DST: variants seen among roughly 807,000 people sequenced by gnomAD.
DST encodes bullous pemphigoid antigen.
In DST, 253 loss-of-function variants were observed where a neutral mutation model predicts 875.2. The ratio of observed to expected loss-of-function variants is 0.29; its 90% CI spans 0.26 to 0.32. The LOEUF (loss-of-function observed/expected upper bound fraction) is 0.32. DST is among the 10% of genes least tolerant of loss of function. The pLI, the probability that DST is intolerant of heterozygous loss-of-function variation, is 1.00. For missense variants in DST, 8,287 were observed against 9,111.6 expected (o/e 0.91, Z 3.68); for synonymous variants, 3,124 against 3,197.1 (o/e 0.98, Z 0.77).
At chr6:56,545,330 T>A (rs1260056516) in intron 61 of DST, among the ~76,000 whole-genome samples, 1 of 151,684 alleles carries the variant, frequency 6.6e-6, no homozygotes, top group Non-Finnish European at 1.5e-5. Flanking sequence ...ATGAGAGAAA[T>A]ACATAATAAG....
intron 4 of DST, among the ~76,000 whole-genome samples, chr6:56,832,959 G>A (rs1187874033): frequency 1.3e-5 from 2 of 152,108 alleles, no homozygotes; most frequent in East Asian, 3.9e-4. Context: ...GGCTGGTCTC[G>A]AACTACTGAC....
intron 4 of DST, chr6:56,843,200 C>T: frequency 1.4e-6 from 2 of 1,473,594 alleles, no homozygotes; most frequent in Non-Finnish European, 1.8e-6. Flanking sequence ...CTCGTAACCC[C>T]CGGACAGTAT....
chr6:56,573,959 G>A (rs2097821354), intron 50 of DST, 72 bp from the exon 51 acceptor site: 64 of 1,049,676 alleles, frequency 6.1e-5, no homozygotes, highest in South Asian at 2.7e-4. Context: ...AACACATGAA[G>A]GTGAATCATA....
In DST at chr6:56,581,732, A is replaced by G. The variant is rs143730684; in HGVS notation, c.12904-2795T>C. ...CTGCATTTGGATTTCAAAGCCCCCA[A>G]TGTCCAGTTGTAGATGTGAACTCAT... On this transcript the variant is annotated intron_variant, in intron 49 of 103. Coordinates refer to ENST00000680361, the MANE Select transcript of DST (RefSeq NM_001374736.1). Among the ~76,000 whole-genome samples, 42 of 152,328 alleles carry G rather than the reference A, an allele frequency of 2.8e-4. No individual in the cohort carries two copies. The East Asian group carries it at 7.5e-3, about 27-fold the overall frequency.
intron 5 of DST, among the ~76,000 whole-genome samples, chr6:56,734,124 C>T (rs1026673269): frequency 2.0e-5 from 3 of 152,296 alleles, no homozygotes; most frequent in Middle Eastern, 3.4e-3. Context: ...GATGAACTGC[C>T]GCATGCTGCG....
chr6:56,864,779 C>T (rs6928319), intron 3 of DST, among the ~76,000 whole-genome samples: 4,911 of 152,074 alleles, frequency 0.032, 282 homozygotes, highest in African/African-American at 0.11. Flanking sequence ...AACTAGATAT[C>T]GAGTACTTAG....
In DST at chr6:56,536,710, T is replaced by C; in HGVS notation, c.16770+69A>G. ...AAAAGTTTGGCTACCACAAATATGA[T>C]TCATGGTCACCACAAATGCTCATGA... On this transcript the variant is annotated intron_variant, in intron 62 of 103. Coordinates refer to ENST00000680361, the MANE Select transcript of DST (RefSeq NM_001374736.1). The C allele has an allele frequency of 5.0e-6, 7 of 1,411,430 alleles. No individual in the cohort carries two copies. The South Asian group carries it at 9.1e-5, about 18-fold the overall frequency. 87.4% of individuals were successfully genotyped at this position (1,411,430 alleles called of 1,614,324 possible).
chr6:56,857,452 C>G (rs1355302859), intron 3 of DST, among the ~76,000 whole-genome samples: 2 of 152,178 alleles, frequency 1.3e-5, no homozygotes, highest in African/African-American at 4.8e-5. Context: ...TCTTCACAAA[C>G]ACTTAGAGAA....
At chr6:56,872,664 A>C (rs553937099) in intron 3 of DST, among the ~76,000 whole-genome samples, 78 of 152,338 alleles carry the variant, frequency 5.1e-4, no homozygotes, top group African/African-American at 1.8e-3. Flanking sequence ...CACTCAGGCC[A>C]ATGGAAAAAG....
At chr6:56,949,688 T>C (rs1248803002) in intron 2 of DST, among the ~76,000 whole-genome samples, 1 of 152,236 alleles carries the variant, frequency 6.6e-6, no homozygotes, top group Non-Finnish European at 1.5e-5. Flanking sequence ...TTATGGCTGA[T>C]TTAATTAGTG....
intron 4 of DST, among the ~76,000 whole-genome samples, chr6:56,847,694 C>G (rs2099808660): frequency 6.6e-6 from 1 of 152,182 alleles, no homozygotes; most frequent in Admixed American, 6.5e-5. Context: ...AGAAACCTTT[C>G]AGGAACCTCC....
chr6:56,938,106 CTCTA>C (rs753198351), intron 2 of DST, among the ~76,000 whole-genome samples: 2,851 of 29,928 alleles, frequency 0.095, 32 homozygotes, highest in South Asian at 0.23. Flanking sequence ...CTCTCTCTCT[CTCTA>C]TATATATATA....
chr6:56,802,628 C>T (rs952692664), intron 4 of DST, among the ~76,000 whole-genome samples: 5 of 152,122 alleles, frequency 3.3e-5, no homozygotes, highest in Admixed American at 2.0e-4. Context: ...TGGGAACGTA[C>T]TAATTTATCT....
chr6:56,648,541 T>C (rs2098957323), intron 13 of DST, 29 bp downstream of exon 13: 1 of 1,539,730 alleles, frequency 6.5e-7, no homozygotes, highest in East Asian at 2.4e-5. Context: ...ATTGAATCAA[T>C]CCTATGTAAT....
chr6:56,913,431 C>T (rs1370570452), intron 2 of DST, among the ~76,000 whole-genome samples: 2 of 152,204 alleles, frequency 1.3e-5, no homozygotes, highest in Admixed American at 6.5e-5. Flanking sequence ...TATCACTCTT[C>T]GGACAAACTG....
intron 85 of DST, among the ~76,000 whole-genome samples, chr6:56,490,298 A>ATC (rs2095693169): frequency 6.6e-6 from 1 of 152,074 alleles, no homozygotes; most frequent in South Asian, 2.1e-4. Flanking sequence ...TACTATATAT[A>ATC]TTTGATTTTG....
intron 36 of DST, chr6:56,615,991 A>G: frequency 6.2e-7 from 1 of 1,614,224 alleles, no homozygotes; most frequent in Non-Finnish European, 8.5e-7. Context: ...TGCCAGTAAG[A>G]GGATCAATTA....
chr6:56,533,794 T>C lies in DST; in HGVS notation c.16942-1284A>G, dbSNP rs145297884. 2.7e-3 allele frequency among the ~76,000 whole-genome samples: 406 copies of C among 152,298 alleles called. 3 individuals carry two copies. The highest frequency in any genetic ancestry group is 9.5e-3 in the African/African-American group (396 of 41,564). ...TCCTTAATCCTTACCTCTAAATCTA[T>C]TTCTAATTGGTATAATTTCCCAATA... On this transcript the variant is annotated intron_variant, in intron 63 of 103. Transcript: ENST00000680361.
chr6:56,580,725 C>CT (rs1167715487), intron 49 of DST, among the ~76,000 whole-genome samples: 33,499 of 120,970 alleles, frequency 0.28, 4,791 homozygotes, highest in Middle Eastern at 0.36. Context: ...TTTACTTTTT[C>CT]TTTTTTTTTT....
Sources: gnomAD v4.1 joint callset for allele counts (sites outside exome capture counted in the v4.1 genomes callset) on GRCh38, gnomAD v4.1.1 for gene constraint, MANE v1.5 for transcripts, NCBI Gene and HGNC (gene_info 2026-07-23, HGNC 2026-07-21) for gene names.